The following ANKFN1 variants were observed in gnomAD, a reference collection of about 807,000 sequenced individuals.
ANKFN1 encodes the protein ankyrin repeat and fibronectin type-III domain-containing protein 1.
ANKFN1 carries 74 observed loss-of-function variants against 108.7 expected under a neutral mutation model. That is an observed-to-expected ratio of 0.68 (90% CI 0.56 to 0.83). The LOEUF (loss-of-function observed/expected upper bound fraction) is 0.83, where lower values mean the gene tolerates loss of function less well. Among genes scored for constraint, ANKFN1 ranks in the 40% least tolerant of loss-of-function variants. The pLI is 0.00. For synonymous variants in ANKFN1, 547 were observed against 516.2 expected (o/e 1.06, Z -0.81); for missense variants, 1,505 against 1,382.3 (o/e 1.09, Z -1.41).
intron 3 of ANKFN1, among the ~76,000 whole-genome samples, chr17:56,324,719 A>G (rs188685021): frequency 2.0e-5 from 3 of 152,370 alleles, no homozygotes; most frequent in Non-Finnish European, 4.4e-5. Flanking sequence ...AAATTAGATT[A>G]TTCATAGCAA....
intron 3 of ANKFN1, among the ~76,000 whole-genome samples, chr17:56,271,644 G>C (rs1272823555): frequency 6.6e-6 from 1 of 152,218 alleles, no homozygotes; most frequent in Non-Finnish European, 1.5e-5. Context: ...GGGTGACCAG[G>C]AAGGGCAGGG....
chr17:56,310,394 G>C (rs1268672218), intron 3 of ANKFN1, among the ~76,000 whole-genome samples: 1 of 152,248 alleles, frequency 6.6e-6, no homozygotes, highest in South Asian at 2.1e-4. Context: ...GAGGCGGGCG[G>C]ATCACGAGGT....
At chr17:56,211,343 C>T (rs1235457319) in intron 1 of ANKFN1, among the ~76,000 whole-genome samples, 1 of 152,044 alleles carries the variant, frequency 6.6e-6, no homozygotes, top group Non-Finnish European at 1.5e-5. Flanking sequence ...ATCCCAGCAC[C>T]ATTTGTTGAA....
At position 56,516,410 on chromosome 17, in the gene ANKFN1, T is replaced by G. The variant is rs559762403; in HGVS notation, c.*5141T>G. ...ATCTGGCTGATTATTGGTTGTTACTTGTTCAGAATTTATTGTGTCTTATTG... is the reference window on the plus strand; with the variant it reads ...ATCTGGCTGATTATTGGTTGTTACTGGTTCAGAATTTATTGTGTCTTATTG... On this transcript the variant is annotated 3_prime_UTR_variant, in exon 21 of 21. Coordinates refer to ENST00000682825, the MANE Select transcript of ANKFN1 (RefSeq NM_001370326.1). Among the ~76,000 whole-genome samples, 5 of 152,318 alleles carry G rather than the reference T, an allele frequency of 3.3e-5. No homozygotes were observed. Among genetic ancestry groups the G allele is most frequent in the African/African-American group, 1.2e-4 (5 of 41,568 alleles).
At chr17:56,428,042 G>T (rs1286521252) in intron 8 of ANKFN1, among the ~76,000 whole-genome samples, 5 of 152,002 alleles carry the variant, frequency 3.3e-5, no homozygotes, top group African/African-American at 1.2e-4. Context: ...AGACCAGCCT[G>T]GCCAACATGA....
At chr17:56,190,811 G>A (rs1423095921) in intron 1 of ANKFN1, among the ~76,000 whole-genome samples, 1 of 140,748 alleles carries the variant, frequency 7.1e-6, no homozygotes, top group Non-Finnish European at 1.5e-5. Context: ...TTGACAGTGG[G>A]GTGTTAAAGT....
At chr17:56,453,912 A>G (rs1295341990) in intron 11 of ANKFN1, among the ~76,000 whole-genome samples, 2 of 151,910 alleles carry the variant, frequency 1.3e-5, no homozygotes, top group Non-Finnish European at 2.9e-5. Flanking sequence ...CCCTCTCTGG[A>G]AGGTTTTAAG....
intron 3 of ANKFN1, among the ~76,000 whole-genome samples, chr17:56,233,114 A>G (rs1214215427): frequency 6.6e-6 from 1 of 152,058 alleles, no homozygotes; most frequent in Non-Finnish European, 1.5e-5. Context: ...ATATAGAAAA[A>G]ATTCTGGTAA....
intron 3 of ANKFN1, among the ~76,000 whole-genome samples, chr17:56,276,036 G>A (rs572167184): frequency 6.6e-6 from 1 of 152,050 alleles, no homozygotes; most frequent in African/African-American, 2.4e-5. Context: ...CCCATGACAG[G>A]CCCCAGAGTG....
intron 3 of ANKFN1, among the ~76,000 whole-genome samples, chr17:56,235,017 AT>A (rs951140231): frequency 6.6e-6 from 1 of 151,566 alleles, no homozygotes; most frequent in Admixed American, 6.6e-5. Flanking sequence ...AGGATCTGTT[AT>A]TTTTTTACTT....
At chr17:56,085,792 A>G (rs2143177669) in intron 4 of ANKFN1, among the ~76,000 whole-genome samples, 1 of 151,492 alleles carries the variant, frequency 6.6e-6, no homozygotes, top group South Asian at 2.1e-4. Context: ...TCCCCACCAC[A>G]TGATGATGTC....
chr17:56,081,266 G>A (rs941369596), intron 4 of ANKFN1, among the ~76,000 whole-genome samples: 5 of 152,194 alleles, frequency 3.3e-5, no homozygotes, highest in Admixed American at 3.3e-4. Context: ...AGTACACTTG[G>A]AAGAGGCCCA....
At chr17:56,173,969 C>T (rs1054171343) in intron 1 of ANKFN1, among the ~76,000 whole-genome samples, 2 of 152,236 alleles carry the variant, frequency 1.3e-5, no homozygotes, top group Non-Finnish European at 2.9e-5. Flanking sequence ...AGTATTCCTT[C>T]CTCATCAGGG....
chr17:56,063,685 G>T (rs1326568454), intron 4 of ANKFN1, among the ~76,000 whole-genome samples: 2 of 151,770 alleles, frequency 1.3e-5, no homozygotes, highest in African/African-American at 2.4e-5. Context: ...TTTGCATTGG[G>T]TTAGAACATG....
At position 56,087,514 on chromosome 17, in the gene ANKFN1, C is replaced by A. The variant is rs187092485; in HGVS notation, c.288+41189C>A. On this transcript the variant is annotated intron_variant, in intron 4 of 12. Coordinates refer to the ANKFN1 transcript ENST00000635860. ...CTGCTTCTTTTGCCCTTCAATTTAG[C>A]TCAACGCCAGTGGACTCCCCTGCAC... is the stretch of plus-strand genomic sequence containing the variant. Among the ~76,000 whole-genome samples, 70 of 150,676 alleles carry A rather than the reference C, an allele frequency of 4.6e-4. 1 individual carries two copies. Among genetic ancestry groups the A allele is most frequent in the African/African-American group, 1.6e-3 (63 of 40,582 alleles).
At chr17:56,469,608 G>T (rs2050245759) in intron 15 of ANKFN1, among the ~76,000 whole-genome samples, 2 of 152,064 alleles carry the variant, frequency 1.3e-5, no homozygotes, top group Admixed American at 1.3e-4. Context: ...TTCTGGTTAT[G>T]TGTCCAGGGC....
intron 8 of ANKFN1, among the ~76,000 whole-genome samples, chr17:56,435,954 CA>C (rs1008470708): frequency 2.0e-5 from 3 of 152,010 alleles, no homozygotes; most frequent in Non-Finnish European, 2.9e-5. Context: ...CTTGGGTACC[CA>C]AACTCTTCTG....
chr17:56,373,492 T>G (rs1455818083), intron 7 of ANKFN1, among the ~76,000 whole-genome samples: 2 of 152,202 alleles, frequency 1.3e-5, no homozygotes, highest in African/African-American at 4.8e-5. Context: ...AATATTAAAC[T>G]CTCATTCTAG....
intron 15 of ANKFN1, chr17:56,471,520 A>G (rs2050315954): frequency 1.3e-5 from 2 of 152,190 alleles, no homozygotes; most frequent in Admixed American, 6.5e-5. Flanking sequence ...GGAATCAGAA[A>G]GATTGCTGGA....
Sources: gnomAD v4.1 joint callset for allele counts (sites outside exome capture counted in the v4.1 genomes callset) on GRCh38, gnomAD v4.1.1 for gene constraint, MANE v1.5 for transcripts, NCBI Gene and HGNC (gene_info 2026-07-23, HGNC 2026-07-21) for gene names.